Variants in UIMC1 observed in about 807,000 individuals in gnomAD.
The protein encoded by UIMC1 is ubiquitin interaction motif containing 1, also known as BRCA1-A complex subunit RAP80.
In UIMC1, 42 loss-of-function variants were observed where a neutral mutation model predicts 84.9. The observed-to-expected ratio is 0.49, with a 90% CI of 0.39 to 0.64. The LOEUF (loss-of-function observed/expected upper bound fraction) is 0.64. Among genes scored for constraint, UIMC1 ranks in the 30% least tolerant of loss-of-function variants. The probability of loss-of-function intolerance (pLI) is 0.00; values close to 1 mark genes in which losing one functional copy is unlikely to be tolerated. For missense variants in UIMC1, 825 were observed against 847.6 expected, an observed-to-expected ratio of 0.97 and a Z score of 0.33; for synonymous variants, 281 against 293.0, an observed-to-expected ratio of 0.96 and a Z score of 0.42.
chr5:176,905,917 C>A, intron 14 of UIMC1, 94 bp downstream of exon 14: 1 of 1,317,968 alleles, frequency 7.6e-7, no homozygotes, highest in Non-Finnish European at 1.1e-6. Flanking sequence ...TCTACTGCAA[C>A]AGTCTGAGTA....
chr5:176,985,324 C>G (rs539147440), intron 1 of UIMC1, among the ~76,000 whole-genome samples: 13 of 151,840 alleles, frequency 8.6e-5, no homozygotes, highest in Admixed American at 2.0e-4. Context: ...GGCGTGGTAG[C>G]GCATGCCTGT....
intron 1 of UIMC1, among the ~76,000 whole-genome samples, chr5:176,998,558 A>G (rs1394059479): frequency 6.6e-6 from 1 of 151,226 alleles, no homozygotes; most frequent in Non-Finnish European, 1.5e-5. Flanking sequence ...ACCTAAGGTC[A>G]GGAGTTCGAG....
chr5:177,020,574 G>A (rs994611108), intron 1 of UIMC1, among the ~76,000 whole-genome samples: 1 of 152,160 alleles, frequency 6.6e-6, no homozygotes, highest in African/African-American at 2.4e-5. Flanking sequence ...GGGACTACAG[G>A]CGCCCGCCAC....
At position 177,006,697 on chromosome 5, in the gene UIMC1, C is replaced by T. The variant is rs1159698772; in HGVS notation, c.-56G>A. ...AGACCTTCTCCGGGTTGCCGGGGGT[C>T]GCGAGCCGCCACACGTTGGGAGCGC... On this transcript the variant is annotated 5_prime_UTR_variant, in exon 1 of 15. Coordinates refer to ENST00000511320, the MANE Select transcript of UIMC1 (RefSeq NM_001199298.2). 1 of 152,002 alleles carries T rather than the reference C, an allele frequency of 6.6e-6. No homozygotes were observed. Among genetic ancestry groups the T allele is most frequent in the Admixed American group, 6.5e-5 (1 of 15,276 alleles). The allele number at this position is 152,002 out of a possible 1,614,324, so 9.4% of individuals were successfully genotyped here.
intron 10 of UIMC1, among the ~76,000 whole-genome samples, chr5:176,938,967 G>A (rs1192354326): frequency 2.0e-5 from 3 of 150,778 alleles, no homozygotes; most frequent in Non-Finnish European, 1.5e-5. Flanking sequence ...AAAAAAAAGT[G>A]CAATGCCAGG....
intron 1 of UIMC1, among the ~76,000 whole-genome samples, chr5:176,985,305 C>T (rs952386127): frequency 6.6e-6 from 1 of 151,770 alleles, no homozygotes; most frequent in African/African-American, 2.4e-5. Flanking sequence ...AAAATACAAA[C>T]ATTAGCCGGG....
chr5:177,019,013 A>T (rs561633876), intron 1 of UIMC1, among the ~76,000 whole-genome samples: 2 of 152,222 alleles, frequency 1.3e-5, no homozygotes, highest in African/African-American at 4.8e-5. Context: ...AGTGTAAGTA[A>T]CTAGAACTCT....
intron 1 of UIMC1, among the ~76,000 whole-genome samples, chr5:176,995,625 C>T (rs1773494897): frequency 3.4e-5 from 5 of 148,884 alleles, no homozygotes; most frequent in East Asian, 2.0e-4. Context: ...GGGTGGATCA[C>T]GAGGTGAAAA....
At chr5:176,966,396 C>T (rs1048942385) in intron 6 of UIMC1, among the ~76,000 whole-genome samples, 1 of 152,152 alleles carries the variant, frequency 6.6e-6, no homozygotes, top group Non-Finnish European at 1.5e-5. Flanking sequence ...AATCAGAACT[C>T]AACTCCAAAT....
At position 176,905,469 on chromosome 5, in the gene UIMC1, T is replaced by C; in HGVS notation, c.1973A>G (p.Glu658Gly). Reference sequence around the variant, plus strand: ...CTGCATCTCTCTGCTGCAGCCTGCCTCTTCCATCCCTGGTGAAGGCACCCT... The same window carrying C: ...CTGCATCTCTCTGCTGCAGCCTGCCCCTTCCATCCCTGGTGAAGGCACCCT... ...AFRVPSPGME[E>G]AGCSREMQSS... The change falls in exon 15 of 15, where the codon GAG (glutamate) becomes GGG (glycine). Residue 658 changes from glutamate (E) to glycine (G), a missense_variant. Glu to Gly is a moderately conservative substitution (Grantham distance 98). Transcript: ENST00000511320. 1 of 1,614,078 alleles carries C rather than the reference T, an allele frequency of 6.2e-7. No homozygotes were observed. The highest frequency in any genetic ancestry group is 1.3e-5 in the African/African-American group (1 of 75,048).
intron 10 of UIMC1, among the ~76,000 whole-genome samples, chr5:176,936,873 T>C (rs1020061117): frequency 2.0e-5 from 3 of 152,224 alleles, no homozygotes; most frequent in African/African-American, 4.8e-5. Flanking sequence ...CCTCTCCCTC[T>C]GCTTTACTTT....
chr5:177,002,689 T>G (rs1052793177), intron 1 of UIMC1, among the ~76,000 whole-genome samples: 8 of 151,962 alleles, frequency 5.3e-5, no homozygotes, highest in African/African-American at 1.5e-4. Context: ...TAGTCCCAGC[T>G]TGAGAGGCTG....
At chr5:177,006,372 C>T (rs534194941) in intron 1 of UIMC1, 2 of 152,436 alleles carry the variant, frequency 1.3e-5, no homozygotes, top group East Asian at 1.9e-4. Flanking sequence ...GAATCCGCCC[C>T]GGAATCGGGA....
rs144947826 is a variant in UIMC1 at position 177,016,223 on chromosome 5, G to A, written c.-9+6241C>T. ...CTACTAAAAATACAAAATTAGCCAG[G>A]CATGGTGGCTGGTGCCTGTAATCCC... On this transcript the variant is annotated intron_variant, in intron 1 of 5. Coordinates refer to the UIMC1 transcript ENST00000509236. 1.3e-4 allele frequency among the ~76,000 whole-genome samples: 19 copies of A among 151,912 alleles called. No individual in the cohort carries two copies. The East Asian group carries it at 3.7e-3, about 29-fold the overall frequency.
intron 10 of UIMC1, among the ~76,000 whole-genome samples, chr5:176,938,779 C>T (rs1764041016): frequency 6.6e-6 from 1 of 152,200 alleles, no homozygotes; most frequent in Non-Finnish European, 1.5e-5. Context: ...TTCACTGCAG[C>T]TCTCCTTTCT....
chr5:176,988,875 G>A (rs987961532), intron 1 of UIMC1, among the ~76,000 whole-genome samples: 2 of 151,852 alleles, frequency 1.3e-5, no homozygotes, highest in Non-Finnish European at 2.9e-5. Flanking sequence ...GTAGAGATGG[G>A]GTTTCACCAT....
intron 1 of UIMC1, among the ~76,000 whole-genome samples, chr5:177,021,046 G>A (rs944787251): frequency 6.6e-6 from 1 of 152,168 alleles, no homozygotes; most frequent in African/African-American, 2.4e-5. Flanking sequence ...TTGGGAGCCC[G>A]AGGCAGGCAG....
At chr5:176,951,250 AAAT>A (rs1286549255) in intron 9 of UIMC1, among the ~76,000 whole-genome samples, 1 of 152,176 alleles carries the variant, frequency 6.6e-6, no homozygotes, top group African/African-American at 2.4e-5. Context: ...TCTCTAATAG[AAAT>A]AATAATGCAT....
At chr5:176,980,965 G>A (rs560784192) in intron 2 of UIMC1, among the ~76,000 whole-genome samples, 6 of 151,956 alleles carry the variant, frequency 3.9e-5, no homozygotes, top group South Asian at 4.1e-4. Context: ...GGTCTCAAAC[G>A]CCTGGCCTCA....
Sources: allele counts gnomAD v4.1 joint callset (sites outside exome capture counted in the v4.1 genomes callset), GRCh38; gene constraint gnomAD v4.1.1; transcripts MANE v1.5; gene names NCBI Gene and HGNC (gene_info 2026-07-23, HGNC 2026-07-21).